Variants in APLF observed in about 807,000 individuals in gnomAD.
APLF encodes the protein aprataxin and PNK-like factor.
Under a neutral mutation model 55.6 loss-of-function variants are expected in APLF, and 61 were observed. The ratio of observed to expected loss-of-function variants is 1.10; its 90% confidence interval spans 0.89 to 1.36. The LOEUF is 1.36. Among genes scored for constraint, APLF ranks in the 40% most tolerant of loss-of-function variants. The pLI is 0.00. For synonymous variants in APLF, 207 were observed against 214.8 expected, an observed-to-expected ratio of 0.96 and a Z score of 0.32; for missense variants, 611 against 602.5, an observed-to-expected ratio of 1.01 and a Z score of -0.15.
At chr2:68,502,568 A>G (rs979428287) in intron 2 of APLF, among the ~76,000 whole-genome samples, 163 bp from the exon 3 acceptor site, 3 of 151,720 alleles carry the variant, frequency 2.0e-5, no homozygotes, top group African/African-American at 4.8e-5. Context: ...TACTTATAAG[A>G]GTTAGATTTA....
chr2:68,476,850 C>G (rs1675791893), intron 1 of APLF, among the ~76,000 whole-genome samples: 1 of 152,074 alleles, frequency 6.6e-6, no homozygotes, highest in South Asian at 2.1e-4. Context: ...TTTGTGAATA[C>G]AGTTAACCCT....
intron 7 of APLF, 44 bp from the exon 8 acceptor site, chr2:68,545,143 T>G (rs1478043243): frequency 6.3e-7 from 1 of 1,598,136 alleles, no homozygotes; most frequent in Non-Finnish European, 8.5e-7. Context: ...AAATCTAGAA[T>G]ATCCTATTTT....
At chr2:68,560,978 G>A (rs1671152922) in intron 8 of APLF, among the ~76,000 whole-genome samples, 1 of 151,928 alleles carries the variant, frequency 6.6e-6, no homozygotes, top group Non-Finnish European at 1.5e-5. Context: ...TGCATAGACA[G>A]ATGTTAGAAA....
rs71946765 is a variant in APLF, at chr2:68,517,248, TATATA to T, written c.622+3574_622+3578del. Among the ~76,000 whole-genome samples the T allele has an allele frequency of 5.3e-3, 548 of 103,642 alleles. 3 individuals are homozygous for T. Among genetic ancestry groups the T allele is most frequent in the Middle Eastern group, 0.029 (2 of 70 alleles). 68.0% of individuals were successfully genotyped at this position (103,642 alleles called of 152,430 possible). On this transcript the variant is annotated intron_variant, in intron 5 of 9. Transcript: ENST00000303795. ...TAAATATATTAATATATGTCATTAC[TATATA>T]ATATATTAATATATGTCATTACTAT...
intron 1 of APLF, among the ~76,000 whole-genome samples, chr2:68,474,871 T>G (rs187769031): frequency 6.6e-6 from 1 of 152,334 alleles, no homozygotes; most frequent in Admixed American, 6.5e-5. Context: ...TTTCTCTATG[T>G]TGATCAGGCT....
chr2:68,528,966 G>A (rs1188086020), intron 6 of APLF: 4 of 1,526,890 alleles, frequency 2.6e-6, no homozygotes, highest in African/African-American at 2.7e-5. Flanking sequence ...TCCTGGGTCT[G>A]TACCTGGTCT....
intron 8 of APLF, among the ~76,000 whole-genome samples, chr2:68,558,189 GGTTTT>G (rs1372654190): frequency 1.3e-5 from 2 of 151,862 alleles, no homozygotes; most frequent in Non-Finnish European, 1.5e-5. Flanking sequence ...TGTCTTCCGT[GGTTTT>G]GTTTTTCATT....
chr2:68,571,094 C>G (rs538009987), intron 9 of APLF, among the ~76,000 whole-genome samples: 160 of 152,122 alleles, frequency 1.1e-3, no homozygotes, highest in African/African-American at 3.7e-3. Flanking sequence ...TAAATGTCTT[C>G]TTTTGAGAAG....
chr2:68,553,429 A>G (rs1248519532), intron 8 of APLF, among the ~76,000 whole-genome samples: 3 of 149,020 alleles, frequency 2.0e-5, no homozygotes, highest in Admixed American at 6.7e-5. Context: ...CTCTTTTAAA[A>G]ATATTGATTT....
intron 8 of APLF, among the ~76,000 whole-genome samples, chr2:68,548,464 A>T (rs1254365212): frequency 6.6e-6 from 1 of 151,938 alleles, no homozygotes; most frequent in African/African-American, 2.4e-5. Context: ...TATTAAACAC[A>T]TGAAAAAATA....
At chr2:68,542,922 A>G (rs1264159208) in intron 7 of APLF, among the ~76,000 whole-genome samples, 1 of 152,238 alleles carries the variant, frequency 6.6e-6, no homozygotes, top group Admixed American at 6.5e-5. Flanking sequence ...GAAGGAATAA[A>G]GAAAATTTGG....
intron 3 of APLF, among the ~76,000 whole-genome samples, chr2:68,508,294 C>A (rs887282735): frequency 1.3e-5 from 2 of 151,680 alleles, no homozygotes; most frequent in African/African-American, 4.8e-5. Context: ...ATTGAGGGTC[C>A]AGAAGTAAAC....
At chr2:68,527,134 G>A (rs1248655530) in intron 6 of APLF, among the ~76,000 whole-genome samples, 3 of 151,524 alleles carry the variant, frequency 2.0e-5, no homozygotes, top group African/African-American at 7.3e-5. Context: ...TACAAACAGT[G>A]AGGGGGCCGG....
chr2:68,509,335 T>C (rs991383939), intron 3 of APLF, among the ~76,000 whole-genome samples: 1 of 152,224 alleles, frequency 6.6e-6, no homozygotes, highest in African/African-American at 2.4e-5. Context: ...GACAAAGGGC[T>C]AATATCCAGA....
chr2:68,528,482 G>A (rs1318703963), intron 6 of APLF: 25 of 1,533,764 alleles, frequency 1.6e-5, no homozygotes, highest in African/African-American at 5.5e-5. Flanking sequence ...TGGTGGCCCC[G>A]ACAGTTTTCT....
intron 1 of APLF, among the ~76,000 whole-genome samples, chr2:68,485,795 CT>C (rs556499883): frequency 1.4e-4 from 20 of 147,544 alleles, no homozygotes; most frequent in African/African-American, 3.8e-4. Flanking sequence ...CATATGGAAT[CT>C]TTTTTATTAT....
chr2:68,545,136 T>G, intron 7 of APLF, 51 bp from the exon 8 acceptor site: 1 of 1,595,796 alleles, frequency 6.3e-7, no homozygotes, highest in Non-Finnish European at 8.6e-7. Context: ...CCACTAAAAA[T>G]CTAGAATATC....
chr2:68,517,493 CAA>C (rs1461214150), intron 5 of APLF, among the ~76,000 whole-genome samples: 2 of 138,284 alleles, frequency 1.4e-5, no homozygotes, highest in African/African-American at 5.3e-5. Flanking sequence ...ATTAATATAT[CAA>C]TATGTTATCA....
chr2:68,506,304 A>ATTTTTTTTT (rs1676871943), intron 3 of APLF, among the ~76,000 whole-genome samples: 1 of 132,278 alleles, frequency 7.6e-6, no homozygotes, highest in African/African-American at 4.2e-5. Context: ...TTGCAGTATC[A>ATTTTTTTTT]TCATGAGAGA....
Sources: allele counts gnomAD v4.1 joint callset (sites outside exome capture counted in the v4.1 genomes callset), GRCh38; gene constraint gnomAD v4.1.1; transcripts MANE v1.5; gene names NCBI Gene and HGNC (gene_info 2026-07-23, HGNC 2026-07-21).